CEP192: variants seen among roughly 807,000 people sequenced by gnomAD.
The protein encoded by CEP192 is centrosomal protein 192.
CEP192 carries 151 observed loss-of-function variants against 271.8 expected under a neutral mutation model. The observed-to-expected ratio is 0.56, with a 90% CI of 0.49 to 0.64. The LOEUF (loss-of-function observed/expected upper bound fraction) is 0.64. Ranked by LOEUF, CEP192 falls within the 30% of genes least tolerant of loss-of-function variation. CEP192 has a pLI of 0.00. For synonymous variants in CEP192, 995 were observed against 1,076.5 expected, an observed-to-expected ratio of 0.92 and a Z score of 1.48; for missense variants, 2,910 against 3,020.5, an observed-to-expected ratio of 0.96 and a Z score of 0.86.
chr18:13,095,495 T>G lies in CEP192; in HGVS notation c.6255-8T>G. 6.3e-7 allele frequency: 1 copy of G among 1,587,084 alleles called. No homozygotes were observed. The highest frequency in any genetic ancestry group is 8.5e-7 in the Non-Finnish European group (1 of 1,170,274). ...GTCTAACTTTTTCATTTTTAAATAA[T>G]TTTTTAGCGACTTGGGAGCTTCTGG... On this transcript the variant is annotated splice_region_variant and splice_polypyrimidine_tract_variant and intron_variant, in intron 34 of 44. Coordinates refer to ENST00000506447, the MANE Select transcript of CEP192 (RefSeq NM_032142.4).
chr18:13,102,511 G>C (rs1209692257), intron 38 of CEP192, among the ~76,000 whole-genome samples: 5 of 152,018 alleles, frequency 3.3e-5, no homozygotes, highest in African/African-American at 1.2e-4. Context: ...ACTTCCTTAG[G>C]CCATGGCTGC....
chr18:13,015,535 T>C (rs772754147), intron 6 of CEP192, 87 bp downstream of exon 6: 213 of 1,361,314 alleles, frequency 1.6e-4, no homozygotes, highest in Non-Finnish European at 2.1e-4. Context: ...GATGCCAACT[T>C]TTTGGGTTTT....
chr18:13,081,935 C>T (rs954834098), intron 30 of CEP192, among the ~76,000 whole-genome samples: 6 of 152,066 alleles, frequency 3.9e-5, no homozygotes, highest in East Asian at 1.9e-4. Context: ...TTCTTAATCC[C>T]GAGTTCTAAC....
At chr18:12,996,098 C>T (rs1390408748) in intron 1 of CEP192, among the ~76,000 whole-genome samples, 1 of 151,608 alleles carries the variant, frequency 6.6e-6, no homozygotes, top group Non-Finnish European at 1.5e-5. Flanking sequence ...GGGTGACTTT[C>T]GTGTGTGGAG....
chr18:13,102,054 C>T (rs2039733086), intron 38 of CEP192, among the ~76,000 whole-genome samples: 2 of 152,116 alleles, frequency 1.3e-5, no homozygotes, highest in Admixed American at 1.3e-4. Context: ...AGCTACTCCA[C>T]CCTTCTGGGG....
intron 30 of CEP192, among the ~76,000 whole-genome samples, chr18:13,078,523 G>T (rs1321056663): frequency 6.6e-6 from 1 of 152,090 alleles, no homozygotes; most frequent in Non-Finnish European, 1.5e-5. Context: ...CTTCCACAAT[G>T]GTTGAACTAA....
chr18:12,997,363 G>A (rs1408642172), intron 1 of CEP192, among the ~76,000 whole-genome samples: 1 of 152,166 alleles, frequency 6.6e-6, no homozygotes, highest in Non-Finnish European at 1.5e-5. Context: ...ATTTCGTGGG[G>A]CGGCAGGGGG....
chr18:13,018,386 T>C, intron 7 of CEP192, 94 bp from the exon 8 acceptor site: 4 of 725,162 alleles, frequency 5.5e-6, no homozygotes, highest in Admixed American at 3.4e-5. Context: ...TCTACACTTA[T>C]TTTCTGGCAT....
At chr18:13,095,940 G>T (rs1023753409) in intron 35 of CEP192, among the ~76,000 whole-genome samples, 1 of 152,136 alleles carries the variant, frequency 6.6e-6, no homozygotes, top group Non-Finnish European at 1.5e-5. Flanking sequence ...TACAGCATTG[G>T]TTCAGAGTAG....
At chr18:13,104,228 T>C (rs1425040200) in intron 39 of CEP192, among the ~76,000 whole-genome samples, 1 of 152,208 alleles carries the variant, frequency 6.6e-6, no homozygotes, top group Non-Finnish European at 1.5e-5. Context: ...GCATGGCTTT[T>C]CCCCTCATGT....
In CEP192 at chr18:13,077,729, G is replaced by A. The variant is rs144531831; in HGVS notation, c.5616+4544G>A. Among the ~76,000 whole-genome samples the A allele has an allele frequency of 5.7e-3, 866 of 152,188 alleles. 13 individuals carry two copies. Among genetic ancestry groups the A allele is most frequent in the African/African-American group, 0.02 (830 of 41,502 alleles). On this transcript the variant is annotated intron_variant, in intron 30 of 44. Coordinates refer to ENST00000506447, the MANE Select transcript of CEP192 (RefSeq NM_032142.4). ...TAGTCCCTTTTGCATGCTTTTCTCT[G>A]ACACTGGCTAGACTGCACACTAAGA...
rs1270192773 is a variant in CEP192 at position 13,095,562 on chromosome 18, A to G, written c.6314A>G (p.Lys2105Arg). 5.6e-6 allele frequency: 9 copies of G among 1,614,048 alleles called. No individual in the cohort carries two copies. Among genetic ancestry groups the G allele is most frequent in the Admixed American group, 3.3e-5 (2 of 60,012 alleles). Reference protein sequence around the residue: ...GNVSLDVLPVKGPQGSPLLSR... With the variant: ...GNVSLDVLPVRGPQGSPLLSR... ...GTCTCTTTGGATGTTTTACCAGTCA[A>G]AGGTCCTCAGGGTTCTCCTCTTCTC... Residue 2105 changes from lysine to arginine, a missense_variant, in exon 35 of 45, where the codon AAA (lysine) becomes AGA (arginine). By Grantham distance (26) the Lys-to-Arg change is conservative (BLOSUM62 2). Transcript: ENST00000506447.
chr18:13,084,900 G>A (rs1176462664), intron 30 of CEP192, among the ~76,000 whole-genome samples: 2 of 151,318 alleles, frequency 1.3e-5, no homozygotes, highest in African/African-American at 4.9e-5. Context: ...TGCAACCTCC[G>A]CCTCCCGGGT....
At chr18:13,112,150 T>C (rs2040237744) in intron 40 of CEP192, among the ~76,000 whole-genome samples, 1 of 152,194 alleles carries the variant, frequency 6.6e-6, no homozygotes, top group African/African-American at 2.4e-5. Flanking sequence ...TTGAAGCAGA[T>C]TTTCAAACAA....
intron 44 of CEP192, among the ~76,000 whole-genome samples, chr18:13,120,015 G>A (rs1020227623): frequency 2.6e-5 from 4 of 152,138 alleles, no homozygotes; most frequent in African/African-American, 9.7e-5. Flanking sequence ...TATTGAATAC[G>A]TTGTCATTTC....
At chr18:13,047,287 TG>T (rs2036536658) in intron 15 of CEP192, among the ~76,000 whole-genome samples, 1 of 152,316 alleles carries the variant, frequency 6.6e-6, no homozygotes, top group South Asian at 2.1e-4. Flanking sequence ...CCTTTACTGC[TG>T]GGGTGTATCC....
At chr18:13,062,394 A>C (rs956107290) in intron 21 of CEP192, among the ~76,000 whole-genome samples, 1 of 152,234 alleles carries the variant, frequency 6.6e-6, no homozygotes, top group African/African-American at 2.4e-5. Flanking sequence ...TCCCAGGTAC[A>C]TAATACAAAT....
chr18:13,040,887 A>C lies in CEP192; in HGVS notation c.1867A>C (p.Arg623=), dbSNP rs2036165291. Residue 623 remains arginine (R), a synonymous_variant, in exon 14 of 45, where the codon AGA becomes CGA. Coordinates refer to ENST00000506447, the MANE Select transcript of CEP192 (RefSeq NM_032142.4). ...GAAGAGAGAACCTATTGCCTTAATA[A>C]GAAAATCTGATGTATCAAGAGGTAA... ...PEKREPIALI[R]KSDVSRGNLE... 3 of 1,607,022 alleles carry C rather than the reference A, an allele frequency of 1.9e-6. No homozygotes were observed. In the African/African-American group the frequency reaches 4.0e-5, roughly 22 times the overall value.
chr18:13,116,364 A>G lies in CEP192; in HGVS notation c.7290-13A>G, dbSNP rs1468096170. Reference sequence around the variant, plus strand: ...TTTCAGATTCTTAACTTTTACACCTATTCCCAAAGCAGGCAGCTTGATGTG... The same window carrying G: ...TTTCAGATTCTTAACTTTTACACCTGTTCCCAAAGCAGGCAGCTTGATGTG... On this transcript the variant is annotated splice_polypyrimidine_tract_variant and intron_variant, in intron 42 of 44. Transcript: ENST00000506447. The G allele has an allele frequency of 8.7e-6, 14 of 1,610,346 alleles. No homozygotes were observed. Among genetic ancestry groups the G allele is most frequent in the Non-Finnish European group, 1.2e-5 (14 of 1,179,056 alleles).
Sources: allele counts gnomAD v4.1 joint callset (sites outside exome capture counted in the v4.1 genomes callset), GRCh38; gene constraint gnomAD v4.1.1; transcripts MANE v1.5; gene names NCBI Gene and HGNC (gene_info 2026-07-23, HGNC 2026-07-21).